The following COL19A1 variants were observed in gnomAD, a reference collection of about 807,000 sequenced individuals.
COL19A1 encodes the protein collagen type XIX alpha 1 chain, also known as collagen alpha-1(XIX) chain.
COL19A1 carries 159 observed loss-of-function variants against 190.2 expected under a neutral mutation model. That is an observed-to-expected ratio of 0.84 (90% CI 0.73 to 0.95). The LOEUF is 0.95. Among genes scored for constraint, COL19A1 ranks in the 40% least tolerant of loss-of-function variants. COL19A1 has a pLI of 0.00. For synonymous variants in COL19A1, 509 were observed against 458.9 expected, an observed-to-expected ratio of 1.11 and a Z score of -1.39; for missense variants, 1,418 against 1,431.9, an observed-to-expected ratio of 0.99 and a Z score of 0.16.
At chr6:69,969,627 T>C (rs1314164870) in intron 11 of COL19A1, among the ~76,000 whole-genome samples, 1 of 152,054 alleles carries the variant, frequency 6.6e-6, no homozygotes, top group Non-Finnish European at 1.5e-5. Flanking sequence ...AGCATTTACA[T>C]TGTGTTAGGT....
Position 70,043,040 on chromosome 6 carries a change from A to G in COL19A1, c.1170+7101A>G, listed in dbSNP as rs531657586. On this transcript the variant is annotated intron_variant, in intron 14 of 50. Transcript: ENST00000620364. The stretch of plus-strand genomic sequence containing the variant: ...GTGGGGTTTGGAATCAACCTCTTCC[A>G]AATTCCTGTTAATGTTGAGATTTTG... 3.3e-5 allele frequency among the ~76,000 whole-genome samples: 5 copies of G among 152,300 alleles called. No homozygotes were observed. In the East Asian group the frequency reaches 9.7e-4, roughly 29 times the overall value.
chr6:70,001,661 C>T (rs1777272484), intron 11 of COL19A1, among the ~76,000 whole-genome samples: 1 of 152,100 alleles, frequency 6.6e-6, no homozygotes, highest in Non-Finnish European at 1.5e-5. Flanking sequence ...TGATTTGGCT[C>T]TCTACTTGCC....
intron 2 of COL19A1, among the ~76,000 whole-genome samples, chr6:69,895,776 T>A (rs1263446654): frequency 6.6e-6 from 1 of 152,238 alleles, no homozygotes; most frequent in Non-Finnish European, 1.5e-5. Flanking sequence ...ATCTGTGAGA[T>A]TTATCTAGTT....
At chr6:70,089,031 T>C (rs1562160973) in intron 15 of COL19A1, among the ~76,000 whole-genome samples, 1 of 152,184 alleles carries the variant, frequency 6.6e-6, no homozygotes, top group Non-Finnish European at 1.5e-5. Flanking sequence ...AATATTGCCA[T>C]GTAATTTTAT....
At chr6:69,937,628 T>TA (rs1304426875) in intron 8 of COL19A1, among the ~76,000 whole-genome samples, 8 of 152,264 alleles carry the variant, frequency 5.3e-5, no homozygotes, top group Middle Eastern at 3.4e-3. Context: ...TTAAAACATG[T>TA]CATCGACTTA....
intron 17 of COL19A1, among the ~76,000 whole-genome samples, chr6:70,124,056 C>T (rs1785052044): frequency 6.7e-6 from 1 of 149,966 alleles, no homozygotes; most frequent in East Asian, 1.9e-4. Context: ...CTGTCATTTG[C>T]AGCAACATGG....
Position 70,149,567 on chromosome 6 carries a change from G to A in COL19A1, c.1894-137G>A, listed in dbSNP as rs1345060313. On this transcript the variant is annotated intron_variant, in intron 27 of 50. Transcript: ENST00000620364. ...CGACCTGAAAGTCTTGGCCGACTTT[G>A]CAGTTTTCCACGTGTGTACGGTGGC... 16 of 979,140 alleles carry A rather than the reference G, an allele frequency of 1.6e-5. No homozygotes were observed. The South Asian group carries it at 1.9e-4, about 11-fold the overall frequency. 60.7% of individuals were successfully genotyped at this position (979,140 alleles called of 1,614,324 possible). A position where few individuals can be genotyped will look rare whatever the true frequency, so the allele number is the denominator to read the frequency against.
At chr6:69,901,468 T>TA (rs1770184520) in intron 4 of COL19A1, among the ~76,000 whole-genome samples, 1 of 152,222 alleles carries the variant, frequency 6.6e-6, no homozygotes, top group South Asian at 2.1e-4. Context: ...ACAAGAATAT[T>TA]AAGGAAGGAA....
intron 15 of COL19A1, among the ~76,000 whole-genome samples, chr6:70,085,943 G>T (rs1782562029): frequency 6.6e-6 from 1 of 152,098 alleles, no homozygotes; most frequent in South Asian, 2.1e-4. Context: ...TTATGCTATT[G>T]CAACACTCAC....
chr6:70,168,104 CAGTTATAG>C, intron 38 of COL19A1, 29 bp downstream of exon 38: 1 of 1,584,954 alleles, frequency 6.3e-7, no homozygotes, highest in Non-Finnish European at 8.6e-7. Context: ...ATTTAAAATC[CAGTTATAG>C]ACTGCTGTAA....
intron 14 of COL19A1, among the ~76,000 whole-genome samples, chr6:70,061,879 A>T (rs1780850625): frequency 6.6e-6 from 1 of 152,158 alleles, no homozygotes; most frequent in Non-Finnish European, 1.5e-5. Flanking sequence ...ATTATATTGT[A>T]ATTAATACTT....
At chr6:69,930,092 C>T (rs1184054615) in intron 6 of COL19A1, among the ~76,000 whole-genome samples, 2 of 152,168 alleles carry the variant, frequency 1.3e-5, no homozygotes, top group East Asian at 3.8e-4. Context: ...CTGCTATTTT[C>T]ATTCAAGAAC....
intron 37 of COL19A1, among the ~76,000 whole-genome samples, chr6:70,167,230 A>C (rs544936362): frequency 6.6e-6 from 1 of 152,364 alleles, no homozygotes; most frequent in African/African-American, 2.4e-5. Context: ...TCATACAGAA[A>C]CAATGAAACA....
intron 8 of COL19A1, 99 bp from the exon 9 acceptor site, chr6:69,937,939 A>G: frequency 8.8e-7 from 1 of 1,132,164 alleles, no homozygotes; most frequent in Non-Finnish European, 1.3e-6. Context: ...AGGAGAACAA[A>G]GCGTTATCTT....
intron 1 of COL19A1, among the ~76,000 whole-genome samples, chr6:69,878,826 GAC>G (rs1768311186): frequency 6.6e-6 from 1 of 152,170 alleles, no homozygotes; most frequent in Non-Finnish European, 1.5e-5. Context: ...TGGATGAACA[GAC>G]AAAATGTGGT....
intron 14 of COL19A1, 79 bp downstream of exon 14, chr6:70,036,018 A>G: frequency 1.5e-6 from 2 of 1,335,064 alleles, no homozygotes; most frequent in Admixed American, 1.8e-5. Context: ...TGACTAAACC[A>G]GAATTTAAGT....
At chr6:70,188,775 T>C (rs1766684085) in intron 47 of COL19A1, among the ~76,000 whole-genome samples, 1 of 152,196 alleles carries the variant, frequency 6.6e-6, no homozygotes, top group African/African-American at 2.4e-5. Context: ...CCCATATCTT[T>C]ATTAATCCTC....
At chr6:70,110,387 A>T (rs1265184806) in intron 16 of COL19A1, among the ~76,000 whole-genome samples, 1 of 152,200 alleles carries the variant, frequency 6.6e-6, no homozygotes, top group Non-Finnish European at 1.5e-5. Context: ...AGAGAAAATG[A>T]ACCTAACAAT....
intron 11 of COL19A1, among the ~76,000 whole-genome samples, chr6:69,965,356 C>T (rs1160816598): frequency 6.6e-6 from 1 of 152,106 alleles, no homozygotes; most frequent in Non-Finnish European, 1.5e-5. Context: ...TAAAATACTA[C>T]CTGATATTTT....
Sources: gnomAD v4.1 joint callset for allele counts (sites outside exome capture counted in the v4.1 genomes callset) on GRCh38, gnomAD v4.1.1 for gene constraint, MANE v1.5 for transcripts, NCBI Gene and HGNC (gene_info 2026-07-23, HGNC 2026-07-21) for gene names.